Variants in ZBTB20 observed in about 807,000 individuals in gnomAD.
ZBTB20 encodes the protein zinc finger and BTB domain containing 20, also known as zinc finger and BTB domain-containing protein 20.
Under a neutral mutation model 56.9 loss-of-function variants are expected in ZBTB20, and 9 were observed. The observed-to-expected ratio is 0.16, with a 90% CI of 0.10 to 0.28. The LOEUF (loss-of-function observed/expected upper bound fraction) is 0.28, where lower values mean the gene tolerates loss of function less well. Among genes scored for constraint, ZBTB20 ranks in the 10% least tolerant of loss-of-function variants. The probability of loss-of-function intolerance (pLI) is 1.00; values close to 1 mark genes in which losing one functional copy is unlikely to be tolerated. For missense variants in ZBTB20, 655 were observed against 1,003.0 expected (o/e 0.65, Z 4.69); for synonymous variants, 417 against 420.7 (o/e 0.99, Z 0.11).
chr3:114,585,633 C>T (rs955682386), intron 6 of ZBTB20, among the ~76,000 whole-genome samples: 2 of 152,106 alleles, frequency 1.3e-5, no homozygotes, highest in African/African-American at 2.4e-5. Context: ...CCTGGTATGC[C>T]CCCTGTACCA....
chr3:114,575,113 C>T (rs2053868283), intron 6 of ZBTB20, among the ~76,000 whole-genome samples: 1 of 152,080 alleles, frequency 6.6e-6, no homozygotes, highest in Non-Finnish European at 1.5e-5. Flanking sequence ...AATGACAGAA[C>T]TAGGACTAGA....
chr3:114,924,560 G>A (rs1177989936), intron 3 of ZBTB20, among the ~76,000 whole-genome samples: 1 of 152,112 alleles, frequency 6.6e-6, no homozygotes, highest in Non-Finnish European at 1.5e-5. Flanking sequence ...GGATGGTGGT[G>A]GAGAAAATAA....
chr3:114,584,893 G>T (rs2055018217), intron 6 of ZBTB20, among the ~76,000 whole-genome samples: 1 of 152,112 alleles, frequency 6.6e-6, no homozygotes, highest in Non-Finnish European at 1.5e-5. Flanking sequence ...CGTCTAGAAA[G>T]AATACAAGGC....
At chr3:114,629,282 A>T (rs2058808769) in intron 6 of ZBTB20, among the ~76,000 whole-genome samples, 1 of 152,214 alleles carries the variant, frequency 6.6e-6, no homozygotes, top group Non-Finnish European at 1.5e-5. Context: ...GATCCAATAA[A>T]TTAATATAAA....
intron 5 of ZBTB20, among the ~76,000 whole-genome samples, chr3:114,797,094 G>A (rs537235541): frequency 4.0e-5 from 6 of 151,264 alleles, no homozygotes; most frequent in Non-Finnish European, 8.9e-5. Context: ...CCTTAATTAG[G>A]ATTACATGAG....
chr3:115,135,243 C>T (rs2084622728), intron 1 of ZBTB20, among the ~76,000 whole-genome samples: 2 of 152,156 alleles, frequency 1.3e-5, no homozygotes, highest in Admixed American at 1.3e-4. Context: ...TTCAGAAAGC[C>T]AGGCAGCTTG....
chr3:114,523,734 T>C lies in ZBTB20; in HGVS notation c.-294-23343A>G, dbSNP rs180885548. On this transcript the variant is annotated intron_variant, in intron 6 of 11. Coordinates refer to ENST00000675478, the MANE Select transcript of ZBTB20 (RefSeq NM_001348800.3). ...ACAGCAAGTATTTGTGAAGTTGTCTTTTGATGGTTTCTATTTTTTCAGTGA... is the reference window on the plus strand; with the variant it reads ...ACAGCAAGTATTTGTGAAGTTGTCTCTTGATGGTTTCTATTTTTTCAGTGA... Among the ~76,000 whole-genome samples the C allele has an allele frequency of 2.9e-3, 439 of 152,218 alleles. 3 individuals carry two copies. Among genetic ancestry groups the C allele is most frequent in the African/African-American group, 0.01 (424 of 41,536 alleles).
At position 114,997,919 on chromosome 3, in the gene ZBTB20, G is replaced by A. The variant is rs571942434; in HGVS notation, c.-506-23503C>T. Among the ~76,000 whole-genome samples the A allele has an allele frequency of 3.0e-4, 46 of 151,734 alleles. No homozygotes were observed. The Middle Eastern group carries it at 0.01, about 34-fold the overall frequency. ...CTGCTGGGGAGAAGAAGGAGCAAAG[G>A]TAGAAAGGGTAAATAATTTGTTCAA... On this transcript the variant is annotated intron_variant, in intron 2 of 11. Coordinates refer to ENST00000675478, the MANE Select transcript of ZBTB20 (RefSeq NM_001348800.3).
intron 6 of ZBTB20, chr3:114,624,804 G>C (rs901371450): frequency 6.5e-6 from 1 of 152,896 alleles, no homozygotes; most frequent in African/African-American, 2.4e-5. Context: ...GGCCATGATA[G>C]AGCGAGCCCC....
At chr3:115,004,035 C>T (rs2079365259) in intron 2 of ZBTB20, among the ~76,000 whole-genome samples, 1 of 151,612 alleles carries the variant, frequency 6.6e-6, no homozygotes, top group African/African-American at 2.4e-5. Flanking sequence ...ATTAATGCTA[C>T]TGTCAGGATG....
intron 4 of ZBTB20, among the ~76,000 whole-genome samples, chr3:114,802,957 T>C (rs1414361290): frequency 6.6e-6 from 1 of 151,912 alleles, no homozygotes; most frequent in African/African-American, 2.4e-5. Flanking sequence ...ATTTGCCAGA[T>C]GTTGAATGAA....
intron 5 of ZBTB20, among the ~76,000 whole-genome samples, chr3:114,776,032 CTTTTT>C (rs11324801): frequency 7.4e-6 from 1 of 135,542 alleles, no homozygotes. Context: ...AATTTTTTTT[CTTTTT>C]TTTTTTTTTT....
intron 4 of ZBTB20, among the ~76,000 whole-genome samples, chr3:114,812,194 T>G (rs367697695): frequency 2.0e-5 from 3 of 152,182 alleles, no homozygotes; most frequent in South Asian, 2.1e-4. Flanking sequence ...GGCAGCCTGC[T>G]TTCATTCTCT....
intron 7 of ZBTB20, among the ~76,000 whole-genome samples, chr3:114,440,908 G>A (rs901542126): frequency 1.3e-5 from 2 of 152,104 alleles, no homozygotes; most frequent in Non-Finnish European, 1.5e-5. Flanking sequence ...TCTACATTAG[G>A]GCTGTCCTCT....
At chr3:114,416,790 C>T (rs1021531617) in intron 7 of ZBTB20, among the ~76,000 whole-genome samples, 3 of 152,058 alleles carry the variant, frequency 2.0e-5, no homozygotes, top group Admixed American at 2.0e-4. Context: ...TATAGAGTCC[C>T]AAGCCCAGGA....
intron 5 of ZBTB20, among the ~76,000 whole-genome samples, chr3:114,790,340 T>C (rs2070855429): frequency 6.6e-6 from 1 of 152,192 alleles, no homozygotes; most frequent in Admixed American, 6.6e-5. Context: ...TTCCCAACTC[T>C]GTGAAATAAC....
intron 5 of ZBTB20, 67 bp downstream of exon 5, chr3:114,801,034 A>C (rs1406982344): frequency 6.6e-6 from 1 of 152,070 alleles, no homozygotes; most frequent in Non-Finnish European, 1.5e-5. Context: ...CTATGTTACC[A>C]ATGTTTTTGT....
At chr3:114,698,496 G>A (rs10934276) in intron 5 of ZBTB20, among the ~76,000 whole-genome samples, 3 of 151,952 alleles carry the variant, frequency 2.0e-5, no homozygotes, top group African/African-American at 7.3e-5. Flanking sequence ...TTCCCAAAGC[G>A]TGGACCAGAA....
chr3:114,833,696 ATTT>A (rs60104867), intron 4 of ZBTB20, among the ~76,000 whole-genome samples: 91,844 of 125,284 alleles, frequency 0.73, 36,323 homozygotes, highest in East Asian at 0.93. Context: ...CACCTAGCTA[ATTT>A]TTTTTTTTTT....
Sources: gnomAD v4.1 joint callset for allele counts (sites outside exome capture counted in the v4.1 genomes callset) on GRCh38, gnomAD v4.1.1 for gene constraint, MANE v1.5 for transcripts, NCBI Gene and HGNC (gene_info 2026-07-23, HGNC 2026-07-21) for gene names.